RANBP2: variants seen among roughly 807,000 people sequenced by gnomAD.
RANBP2 encodes RAN binding protein 2, also known as E3 SUMO-protein ligase RanBP2.
A neutral mutation model predicts 303.6 loss-of-function variants in RANBP2; 57 were observed. That is an observed-to-expected ratio of 0.19 (90% CI 0.15 to 0.23). The LOEUF (loss-of-function observed/expected upper bound fraction) is 0.23. RANBP2 is among the 10% of genes least tolerant of loss of function. RANBP2 has a pLI of 1.00. For synonymous variants in RANBP2, 1,167 were observed against 1,301.5 expected (o/e 0.90, Z 2.23); for missense variants, 3,138 against 3,780.8 (o/e 0.83, Z 4.46).
the RANBP2 span, among the ~76,000 whole-genome samples, chr2:109,121,011 C>T: frequency 6.6e-6 from 1 of 152,122 alleles, no homozygotes; most frequent in Non-Finnish European, 1.5e-5. Flanking sequence ...CTTTGGGAGG[C>T]CGAGGTGGGC....
chr2:109,262,105 G>A, the RANBP2 span, among the ~76,000 whole-genome samples: 4 of 152,182 alleles, frequency 2.6e-5, no homozygotes, highest in Non-Finnish European at 4.4e-5. Context: ...AGGTGCCCTC[G>A]GCCTCAGGGC....
the RANBP2 span, among the ~76,000 whole-genome samples, chr2:109,707,157 C>T: frequency 6.6e-6 from 1 of 152,176 alleles, no homozygotes; most frequent in Non-Finnish European, 1.5e-5. Context: ...ACAATTTTAA[C>T]TTCAGATCTA....
chr2:109,246,385 C>G, the RANBP2 span, among the ~76,000 whole-genome samples: 3 of 152,190 alleles, frequency 2.0e-5, no homozygotes, highest in East Asian at 5.8e-4. Flanking sequence ...TCCGAGGCCT[C>G]TTTAGTAAGA....
the RANBP2 span, among the ~76,000 whole-genome samples, chr2:109,025,798 GAA>G: frequency 6.7e-5 from 7 of 104,472 alleles, no homozygotes; most frequent in African/African-American, 7.2e-5. Flanking sequence ...ACTCCGTCTC[GAA>G]AAAAAAAAAA....
the RANBP2 span, among the ~76,000 whole-genome samples, chr2:109,166,452 G>A: frequency 8.7e-6 from 1 of 114,594 alleles, no homozygotes; most frequent in Admixed American, 9.5e-5. Flanking sequence ...ACTCCAGCCT[G>A]GTGACAGAAA....
the RANBP2 span, chr2:109,665,718 G>A: frequency 6.2e-6 from 1 of 161,152 alleles, no homozygotes; most frequent in Non-Finnish European, 1.4e-5. Context: ...TGAGTCACAT[G>A]ACTCCATTTT....
chr2:109,063,696 A>G, the RANBP2 span, among the ~76,000 whole-genome samples: 3 of 151,846 alleles, frequency 2.0e-5, no homozygotes, highest in African/African-American at 4.8e-5. Context: ...CAAATTCCCA[A>G]CTGATTTTCT....
At chr2:109,328,784 C>T in the RANBP2 span, among the ~76,000 whole-genome samples, 43,633 of 152,052 alleles carry the variant, frequency 0.29, 8,463 homozygotes, top group African/African-American at 0.55. Context: ...TGGTTCATGA[C>T]CACTTTGGTG....
At chr2:109,363,417 A>G in the RANBP2 span, among the ~76,000 whole-genome samples, 1 of 152,196 alleles carries the variant, frequency 6.6e-6, no homozygotes, top group African/African-American at 2.4e-5. Flanking sequence ...GTACATGAGC[A>G]TTGTAAGTGT....
At chr2:109,675,175 G>A in the RANBP2 span, among the ~76,000 whole-genome samples, 1 of 152,086 alleles carries the variant, frequency 6.6e-6, no homozygotes, top group South Asian at 2.1e-4. Context: ...ATCTCACTAT[G>A]TTCAACTACA....
the RANBP2 span, among the ~76,000 whole-genome samples, chr2:108,845,665 G>A: frequency 6.7e-3 from 999 of 149,140 alleles, 10 homozygotes; most frequent in African/African-American, 0.023. Context: ...TCCGCCTCCC[G>A]TGTTCACACC....
chr2:109,103,611 G>T, the RANBP2 span, among the ~76,000 whole-genome samples: 1 of 152,144 alleles, frequency 6.6e-6, no homozygotes, highest in African/African-American at 2.4e-5. Context: ...GGCGGTTATG[G>T]AAGCCAAGCT....
At chr2:109,430,753 G>C in the RANBP2 span, among the ~76,000 whole-genome samples, 2 of 152,324 alleles carry the variant, frequency 1.3e-5, no homozygotes, top group African/African-American at 2.4e-5. Context: ...CTGTGAACGT[G>C]GTGGGGTGGC....
the RANBP2 span, among the ~76,000 whole-genome samples, chr2:109,444,457 C>T: frequency 7.2e-5 from 11 of 152,314 alleles, no homozygotes; most frequent in Non-Finnish European, 1.6e-4. Flanking sequence ...GGACAGGAAG[C>T]CCCTGTGAGA....
chr2:109,337,293 G>A, the RANBP2 span, among the ~76,000 whole-genome samples: 1 of 152,212 alleles, frequency 6.6e-6, no homozygotes, highest in Non-Finnish European at 1.5e-5. Context: ...TCTCCCCACA[G>A]CAGGGCTGCC....
chr2:109,223,296 C>T, the RANBP2 span, among the ~76,000 whole-genome samples: 1 of 152,214 alleles, frequency 6.6e-6, no homozygotes, highest in African/African-American at 2.4e-5. Flanking sequence ...TGAGCACCAG[C>T]CACGTGAGCA....
chr2:109,369,532 A>G, the RANBP2 span, among the ~76,000 whole-genome samples: 2 of 152,172 alleles, frequency 1.3e-5, no homozygotes, highest in African/African-American at 4.8e-5. Context: ...GTGGCATTGT[A>G]AAGTCATAAA....
At chr2:108,832,347 T>TC in the RANBP2 span, among the ~76,000 whole-genome samples, 4 of 145,654 alleles carry the variant, frequency 2.7e-5, no homozygotes, top group South Asian at 6.5e-4. Context: ...TTTCTTTCTT[T>TC]TTTTTTTTTT....
chr2:109,639,631 TA>T, the RANBP2 span, among the ~76,000 whole-genome samples: 18 of 148,590 alleles, frequency 1.2e-4, 1 homozygote, highest in Admixed American at 9.4e-4. Flanking sequence ...AAATAAAAAA[TA>T]AAAAAAAATA....
Sources: gnomAD v4.1 joint callset for allele counts (sites outside exome capture counted in the v4.1 genomes callset) on GRCh38, gnomAD v4.1.1 for gene constraint, MANE v1.5 for transcripts, NCBI Gene and HGNC (gene_info 2026-07-23, HGNC 2026-07-21) for gene names.